Variants in EDRF1 observed in about 807,000 individuals in gnomAD.
The protein encoded by EDRF1 is erythroid differentiation-related factor 1.
In EDRF1, 69 loss-of-function variants were observed where a neutral mutation model predicts 148.7. That is an observed-to-expected ratio of 0.46 (90% CI 0.38 to 0.57). The LOEUF is 0.57. Ranked by LOEUF, EDRF1 falls within the 20% of genes least tolerant of loss-of-function variation. The pLI, the probability that EDRF1 is intolerant of heterozygous loss-of-function variation, is 0.00. For missense variants in EDRF1, 1,118 were observed against 1,478.7 expected (o/e 0.76, Z 4.00); for synonymous variants, 515 against 532.8 (o/e 0.97, Z 0.46).
rs748969247 is a variant in EDRF1, at chr10:125,723,814, A to G, written c.388A>G (p.Ile130Val). Residue 130 changes from isoleucine to valine, a missense_variant, in exon 4 of 25, where the codon ATA (isoleucine) becomes GTA (valine). This residue lies in a region of EDRF1 where 99 missense variants were observed against 186.9 expected (regional missense o/e 0.53). Coordinates refer to ENST00000356792, the MANE Select transcript of EDRF1 (RefSeq NM_001202438.2). ...TTTTTTCTCTTAATTTTTTAAGAAC[A>G]TAAAAAAACTCCTGAAAATTCCCTA... is the stretch of plus-strand genomic sequence containing the variant. ...DVDVVSDSENIKKLLKIPYSK... is the reference protein window; with the variant it reads ...DVDVVSDSENVKKLLKIPYSK... 9 of 1,613,054 alleles carry G rather than the reference A, an allele frequency of 5.6e-6. No individual in the cohort carries two copies. Among genetic ancestry groups the G allele is most frequent in the Non-Finnish European group, 7.6e-6 (9 of 1,179,206 alleles).
At chr10:125,738,225 A>G (rs1848834866) in intron 14 of EDRF1, 70 bp from the exon 15 acceptor site, 4 of 1,576,288 alleles carry the variant, frequency 2.5e-6, no homozygotes, top group Non-Finnish European at 3.5e-6. Flanking sequence ...TAGTCCAGAT[A>G]CTGTCTTATA....
intron 24 of EDRF1, among the ~76,000 whole-genome samples, chr10:125,760,650 A>G (rs1850153176): frequency 6.6e-6 from 1 of 152,206 alleles, no homozygotes; most frequent in Non-Finnish European, 1.5e-5. Flanking sequence ...GTTAAGAGGA[A>G]AATACCCTCT....
At chr10:125,723,997 ATTTTG>A (rs1256935201) in intron 4 of EDRF1, 61 bp downstream of exon 4, 1 of 1,596,352 alleles carries the variant, frequency 6.3e-7, no homozygotes, top group Non-Finnish European at 8.6e-7. Flanking sequence ...TAGAAATACG[ATTTTG>A]TTTCAGAGAA....
At chr10:125,744,762 A>T (rs148804549) in intron 18 of EDRF1, 1 of 152,224 alleles carries the variant, frequency 6.6e-6, no homozygotes, top group African/African-American at 2.4e-5. Flanking sequence ...CATTTGGTTA[A>T]TAGTGAAGAG....
intron 9 of EDRF1, among the ~76,000 whole-genome samples, chr10:125,731,707 G>A (rs1259639451): frequency 1.3e-5 from 2 of 152,108 alleles, no homozygotes; most frequent in Non-Finnish European, 2.9e-5. Flanking sequence ...AAAACCAGAG[G>A]CATTGTACCA....
chr10:125,742,817 T>A, intron 17 of EDRF1: 1 of 965,586 alleles, frequency 1.0e-6, no homozygotes, highest in Non-Finnish European at 1.2e-6. Flanking sequence ...TCACAGAAAT[T>A]GTTTGATATT....
At chr10:125,735,400 T>A (rs1848677332) in intron 12 of EDRF1, among the ~76,000 whole-genome samples, 1 of 152,120 alleles carries the variant, frequency 6.6e-6, no homozygotes, top group Non-Finnish European at 1.5e-5. Context: ...TGACACCTTT[T>A]AAGAGGGAGG....
At chr10:125,759,900 C>T (rs529992964) in intron 24 of EDRF1, among the ~76,000 whole-genome samples, 31 of 152,170 alleles carry the variant, frequency 2.0e-4, no homozygotes, top group African/African-American at 7.0e-4. Flanking sequence ...TTAGTAGAGA[C>T]GGGGTTTCAC....
chr10:125,748,974 A>G lies in EDRF1; in HGVS notation c.3124-438A>G, dbSNP rs571788793. 9.9e-5 allele frequency: 23 copies of G among 233,468 alleles called. No homozygotes were observed. In the South Asian group the frequency reaches 1.3e-3, roughly 13 times the overall value. 14.5% of individuals were successfully genotyped at this position (233,468 alleles called of 1,614,324 possible). On this transcript the variant is annotated intron_variant, in intron 21 of 24. Coordinates refer to ENST00000356792, the MANE Select transcript of EDRF1 (RefSeq NM_001202438.2). ...ACTTCCTAAGTCGAAGTGGAAAGAA[A>G]TCTTCTCCAGTTCATGCCTGTAATC...
Position 125,729,407 on chromosome 10 carries a change from T to C in EDRF1, c.944T>C (p.Ile315Thr), listed in dbSNP as rs774793488. Reference protein sequence around the residue: ...VRNILWTFEDIHMLVGSNMPI... With the variant: ...VRNILWTFEDTHMLVGSNMPI... ...AATATTCTATGGACATTTGAAGATATCCATATGTTGGTCGGCTCCAACATG... is the reference window on the plus strand; with the variant it reads ...AATATTCTATGGACATTTGAAGATACCCATATGTTGGTCGGCTCCAACATG... The change falls in exon 8 of 25, where the codon ATC becomes ACC. Residue 315 changes from isoleucine to threonine, a missense_variant. Physicochemically the swap from Ile to Thr is moderately conservative, Grantham distance 89 (BLOSUM62 -1). Coordinates refer to ENST00000356792, the MANE Select transcript of EDRF1 (RefSeq NM_001202438.2). 3 of 1,613,952 alleles carry C rather than the reference T, an allele frequency of 1.9e-6. No individual in the cohort carries two copies. The highest frequency in any genetic ancestry group is 2.5e-6 in the Non-Finnish European group (3 of 1,179,802).
Position 125,719,804 on chromosome 10 carries a change from A to C in EDRF1, c.-4A>C. 6.2e-7 allele frequency: 1 copy of C among 1,609,536 alleles called. No homozygotes were observed. Among genetic ancestry groups the C allele is most frequent in the Non-Finnish European group, 8.5e-7 (1 of 1,177,952 alleles). On this transcript the variant is annotated 5_prime_UTR_variant, in exon 1 of 25. Coordinates refer to ENST00000356792, the MANE Select transcript of EDRF1 (RefSeq NM_001202438.2). Reference sequence around the variant, plus strand: ...CGTCGTATCGCCTGCCCTGGATCGAAGTGATGGGGGATGCCAAGGAGGCCG... The same window carrying C: ...CGTCGTATCGCCTGCCCTGGATCGACGTGATGGGGGATGCCAAGGAGGCCG...
chr10:125,761,977 T>A (rs1442086897), intron 24 of EDRF1, among the ~76,000 whole-genome samples: 1 of 152,198 alleles, frequency 6.6e-6, no homozygotes, highest in Non-Finnish European at 1.5e-5. Context: ...CTAGCCAATC[T>A]TAGGCCCAGA....
chr10:125,741,345 T>G, intron 17 of EDRF1, 144 bp downstream of exon 17: 3 of 900,236 alleles, frequency 3.3e-6, no homozygotes, highest in Non-Finnish European at 5.3e-6. Context: ...GAGACGGAGT[T>G]TCGCTCTTGT....
Position 125,745,897 on chromosome 10 carries a change from A to G in EDRF1, c.2781A>G (p.Glu927=). The G allele has an allele frequency of 6.2e-7, 1 of 1,614,252 alleles. No individual in the cohort carries two copies. The highest frequency in any genetic ancestry group is 8.5e-7 in the Non-Finnish European group (1 of 1,180,042). ...HCGAGDELKR[E]FSPEEGLYYN... ...GTGCAGGGGATGAACTGAAACGTGAATTTTCACCAGAAGAAGGCTTGTATT... is the reference window on the plus strand; with the variant it reads ...GTGCAGGGGATGAACTGAAACGTGAGTTTTCACCAGAAGAAGGCTTGTATT... The change falls in exon 19 of 25, where the codon GAA becomes GAG. Residue 927 remains glutamate (E), a synonymous_variant. Transcript: ENST00000356792.
rs78834390 is a variant in EDRF1, at chr10:125,725,739, G to A, written c.693G>A (p.Ser231=). 1.7e-3 allele frequency: 2,739 copies of A among 1,614,028 alleles called. 116 individuals are homozygous for A. In the East Asian group the frequency reaches 0.054, roughly 32 times the overall value. Residue 231 remains serine (S), a synonymous_variant, in exon 6 of 25, where the codon TCG becomes TCA. Transcript: ENST00000356792. The part of the protein sequence containing the change: ...PVSSTAEQQE[S]SSSDQTNDSE... ...CATCCACCGCAGAACAGCAGGAATC[G>A]TCCAGTTCAGATCAGACAAATGATT...
chr10:125,748,482 C>T (rs1849479719), intron 21 of EDRF1: 1 of 199,950 alleles, frequency 5.0e-6, no homozygotes, highest in African/African-American at 2.4e-5. Flanking sequence ...TGAGAATAAT[C>T]TGAGGCCGAG....
At chr10:125,725,650 C>CTTTTTTTTTTTTTTTTT (rs1848223182) in intron 5 of EDRF1, 32 bp from the exon 6 acceptor site, 1 of 1,613,446 alleles carries the variant, frequency 6.2e-7, no homozygotes, top group African/African-American at 1.3e-5. Flanking sequence ...ACTTTAGTAA[C>CTTTTTTTTTTTTTTTTT]AGCAATCCTT....
chr10:125,729,184 G>C, intron 7 of EDRF1, 80 bp downstream of exon 7: 2 of 1,477,208 alleles, frequency 1.4e-6, no homozygotes, highest in African/African-American at 2.8e-5. Context: ...AGTCGAAATT[G>C]ATAGGGAAAA....
chr10:125,738,548 G>A lies in EDRF1; in HGVS notation c.1981+103G>A, dbSNP rs1384611. 6,511 of 1,374,912 alleles carry A rather than the reference G, an allele frequency of 4.7e-3. 233 individuals are homozygous for A. The African/African-American group carries it at 0.078, about 16-fold the overall frequency. The allele number at this position is 1,374,912 out of a possible 1,614,324, so 85.2% of individuals were successfully genotyped here. On this transcript the variant is annotated intron_variant, in intron 15 of 24. Coordinates refer to ENST00000356792, the MANE Select transcript of EDRF1 (RefSeq NM_001202438.2). ...ATTAAGGCATTAATTGAAAGGCATT[G>A]AGAAAAAGATATCCTGTGAACTGGA...
Sources: gnomAD v4.1 joint callset for allele counts (sites outside exome capture counted in the v4.1 genomes callset) on GRCh38, gnomAD v4.1.1 for gene constraint, gnomAD v4.1.1 regional missense constraint, MANE v1.5 for transcripts, NCBI Gene and HGNC (gene_info 2026-07-23, HGNC 2026-07-21) for gene names.